The following DAB1 variants were observed in gnomAD, a reference collection of about 807,000 sequenced individuals.
DAB1 encodes the protein disabled homolog 1.
In DAB1, 15 loss-of-function variants were observed where a neutral mutation model predicts 64.6. The ratio of observed to expected loss-of-function variants is 0.23; its 90% CI spans 0.16 to 0.36. DAB1 has a LOEUF of 0.36. DAB1 is among the 10% of genes least tolerant of loss of function. The probability of loss-of-function intolerance (pLI) is 1.00; values close to 1 mark genes in which losing one functional copy is unlikely to be tolerated. For synonymous variants in DAB1, 235 were observed against 251.9 expected (o/e 0.93, Z 0.64); for missense variants, 596 against 706.7 (o/e 0.84, Z 1.78).
At chr1:58,332,192 G>A (rs1232587608) in intron 4 of DAB1, among the ~76,000 whole-genome samples, 1 of 152,106 alleles carries the variant, frequency 6.6e-6, no homozygotes, top group African/African-American at 2.4e-5. Context: ...TCTCCCAGAA[G>A]TGTTTGTTAC....
intron 6 of DAB1, among the ~76,000 whole-genome samples, chr1:57,672,842 G>A (rs1044953355): frequency 6.6e-6 from 1 of 151,994 alleles, no homozygotes; most frequent in Non-Finnish European, 1.5e-5. Flanking sequence ...AAAGAACATG[G>A]ACCACATCTA....
intron 5 of DAB1, among the ~76,000 whole-genome samples, chr1:57,915,825 T>C (rs1473680576): frequency 6.6e-6 from 1 of 152,128 alleles, no homozygotes; most frequent in East Asian, 1.9e-4. Context: ...AGAGGGACGA[T>C]CACAGTATGG....
At chr1:57,726,539 T>A (rs868112670) in intron 6 of DAB1, among the ~76,000 whole-genome samples, 3 of 152,140 alleles carry the variant, frequency 2.0e-5, no homozygotes, top group Non-Finnish European at 4.4e-5. Context: ...TGAAGGATCT[T>A]GGGCTTTATT....
rs78029146 is a variant in DAB1, at chr1:57,107,447, C to T, written c.306+29096G>A. On this transcript the variant is annotated intron_variant, in intron 4 of 14. Coordinates refer to ENST00000371236, the MANE Select transcript of DAB1 (RefSeq NM_001365792.1). Reference sequence around the variant, plus strand: ...AATATAGAGTGCTGCCTATTATATGCTGGACCTTGTGATAGGTTTTAGGGG... The same window carrying T: ...AATATAGAGTGCTGCCTATTATATGTTGGACCTTGTGATAGGTTTTAGGGG... Among the ~76,000 whole-genome samples the T allele has an allele frequency of 3.4e-4, 51 of 150,796 alleles. 1 individual carries two copies. The East Asian group carries it at 1.0e-2, about 29-fold the overall frequency.
intron 2 of DAB1, among the ~76,000 whole-genome samples, chr1:57,220,061 A>C (rs1313888893): frequency 6.6e-6 from 1 of 152,246 alleles, no homozygotes; most frequent in Admixed American, 6.5e-5. Flanking sequence ...TTGTCTGCAC[A>C]TAAATGTAAA....
intron 2 of DAB1, among the ~76,000 whole-genome samples, chr1:57,242,753 A>G (rs920002659): frequency 6.6e-6 from 1 of 152,202 alleles, no homozygotes; most frequent in Admixed American, 6.5e-5. Context: ...AAATATCATA[A>G]TCTACTGACC....
At chr1:58,417,817 G>A (rs1301798594) in intron 3 of DAB1, among the ~76,000 whole-genome samples, 1 of 152,162 alleles carries the variant, frequency 6.6e-6, no homozygotes, top group Non-Finnish European at 1.5e-5. Context: ...GTTCTGCTCT[G>A]ACACTGACAC....
At chr1:58,406,095 T>C (rs1644613382) in intron 3 of DAB1, among the ~76,000 whole-genome samples, 1 of 152,160 alleles carries the variant, frequency 6.6e-6, no homozygotes, top group Non-Finnish European at 1.5e-5. Flanking sequence ...AAGAATTATA[T>C]TTCCTTGTGC....
intron 4 of DAB1, among the ~76,000 whole-genome samples, chr1:58,267,198 C>T (rs558507024): frequency 1.5e-4 from 23 of 151,746 alleles, no homozygotes; most frequent in Non-Finnish European, 2.1e-4. Context: ...CCAGCCTGGG[C>T]GGCAGAGCTA....
At chr1:57,127,318 C>T (rs917296027) in intron 4 of DAB1, among the ~76,000 whole-genome samples, 5 of 152,110 alleles carry the variant, frequency 3.3e-5, no homozygotes, top group African/African-American at 9.7e-5. Flanking sequence ...TTTTCAGAAG[C>T]GTCTTTCTCC....
chr1:57,606,444 A>G (rs1429995692), intron 7 of DAB1, among the ~76,000 whole-genome samples: 1 of 123,990 alleles, frequency 8.1e-6, no homozygotes. Flanking sequence ...TATTTCATAT[A>G]TAATATATAT....
intron 3 of DAB1, among the ~76,000 whole-genome samples, chr1:58,407,112 T>A (rs1205152521): frequency 6.6e-6 from 1 of 152,194 alleles, no homozygotes; most frequent in African/African-American, 2.4e-5. Context: ...CAGCCTTCCC[T>A]CCTCTCACCC....
chr1:58,230,101 A>T (rs115281011), intron 4 of DAB1, among the ~76,000 whole-genome samples: 2 of 152,142 alleles, frequency 1.3e-5, no homozygotes, highest in African/African-American at 4.8e-5. Flanking sequence ...CTCAGTCATC[A>T]AGACTGATGT....
At chr1:57,337,371 T>C (rs1677164385) in intron 1 of DAB1, among the ~76,000 whole-genome samples, 1 of 152,194 alleles carries the variant, frequency 6.6e-6, no homozygotes, top group African/African-American at 2.4e-5. Flanking sequence ...CTCTTCACCA[T>C]CCTTCAAACA....
intron 6 of DAB1, among the ~76,000 whole-genome samples, chr1:57,781,100 C>CTT: frequency 1.9e-5 from 1 of 53,702 alleles, no homozygotes; most frequent in East Asian, 4.6e-4. Flanking sequence ...CTCTCTCTCT[C>CTT]TCTCTCTCTC....
At chr1:57,589,941 C>A (rs1645424272) in intron 7 of DAB1, among the ~76,000 whole-genome samples, 1 of 152,056 alleles carries the variant, frequency 6.6e-6, no homozygotes, top group African/African-American at 2.4e-5. Flanking sequence ...CTCTTAGACC[C>A]TCCTGAAAGA....
At chr1:57,317,174 GAGACCCCC>G (rs1396363494) in intron 1 of DAB1, among the ~76,000 whole-genome samples, 1 of 152,108 alleles carries the variant, frequency 6.6e-6, no homozygotes, top group Non-Finnish European at 1.5e-5. Flanking sequence ...AAGAAGAACT[GAGACCCCC>G]AGTCCAACAG....
chr1:58,106,091 TCC>T (rs1651619774), intron 5 of DAB1, among the ~76,000 whole-genome samples: 1 of 151,402 alleles, frequency 6.6e-6, no homozygotes, highest in African/African-American at 2.4e-5. Context: ...TTTCCTTCCT[TCC>T]TTCCTTCCTT....
In DAB1 at chr1:58,150,999, A is replaced by G. The variant is rs180768128; in HGVS notation, n.310-411T>C. On this transcript the variant is annotated intron_variant and non_coding_transcript_variant, in intron 4 of 20. Transcript: ENST00000485760. The stretch of plus-strand genomic sequence containing the variant: ...AGAATGGTGGTATCCAGCTTCATCC[A>G]TGTCCCTACAAAGGACATGAACCCA... Among the ~76,000 whole-genome samples, 435 of 152,264 alleles carry G rather than the reference A, an allele frequency of 2.9e-3. 1 individual carries two copies. Among genetic ancestry groups the G allele is most frequent in the African/African-American group, 9.1e-3 (379 of 41,552 alleles).
Sources: gnomAD v4.1 joint callset for allele counts (sites outside exome capture counted in the v4.1 genomes callset) on GRCh38, gnomAD v4.1.1 for gene constraint, MANE v1.5 for transcripts, NCBI Gene and HGNC (gene_info 2026-07-23, HGNC 2026-07-21) for gene names.